PAK2: variants seen among roughly 807,000 people sequenced by gnomAD.
The protein encoded by PAK2 is serine/threonine-protein kinase PAK 2.
A neutral mutation model predicts 65.9 loss-of-function variants in PAK2; 21 were observed. That is an observed-to-expected ratio of 0.32 (90% CI 0.23 to 0.46). PAK2 has a LOEUF of 0.46. Among genes scored for constraint, PAK2 ranks in the 20% least tolerant of loss-of-function variants. The pLI is 1.00. For synonymous variants in PAK2, 204 were observed against 219.7 expected, an observed-to-expected ratio of 0.93 and a Z score of 0.63; for missense variants, 324 against 642.6, an observed-to-expected ratio of 0.50 and a Z score of 5.36.
chr3:196,808,890 TAA>T, intron 7 of PAK2, among the ~76,000 whole-genome samples: 1 of 151,138 alleles, frequency 6.6e-6, no homozygotes, highest in South Asian at 2.1e-4. Flanking sequence ...AATTAACAAT[TAA>T]AGAATGCTAA....
intron 1 of PAK2, among the ~76,000 whole-genome samples, chr3:196,771,957 A>G (rs1040102749): frequency 6.6e-6 from 1 of 151,918 alleles, no homozygotes; most frequent in Admixed American, 6.6e-5. Context: ...TTTTACTTCA[A>G]ATGTTGAGTT....
At chr3:196,790,297 A>C (rs1188241879) in intron 2 of PAK2, among the ~76,000 whole-genome samples, 1 of 152,194 alleles carries the variant, frequency 6.6e-6, no homozygotes, top group East Asian at 1.9e-4. Flanking sequence ...CCTTTTGTCA[A>C]CATGTGACTC....
At chr3:196,750,962 T>C (rs1244316680) in intron 1 of PAK2, among the ~76,000 whole-genome samples, 1 of 152,182 alleles carries the variant, frequency 6.6e-6, no homozygotes, top group Non-Finnish European at 1.5e-5. Flanking sequence ...GGTACAACTT[T>C]CCCTACCATC....
intron 1 of PAK2, among the ~76,000 whole-genome samples, chr3:196,775,491 T>A (rs1714507635): frequency 6.6e-6 from 1 of 152,128 alleles, no homozygotes; most frequent in South Asian, 2.1e-4. Flanking sequence ...CAAGCAATTC[T>A]CCTGCCTCAG....
chr3:196,762,897 A>G lies in PAK2; in HGVS notation c.-21-19729A>G, dbSNP rs115407007. ...ATGGGACTGTATCATTCTGGGTCCAATCAGGAGAGAGAAGCCATACAGTAA... is the reference window on the plus strand; with the variant it reads ...ATGGGACTGTATCATTCTGGGTCCAGTCAGGAGAGAGAAGCCATACAGTAA... On this transcript the variant is annotated intron_variant, in intron 1 of 14. Coordinates refer to ENST00000327134, the MANE Select transcript of PAK2 (RefSeq NM_002577.4). Among the ~76,000 whole-genome samples, 306 of 152,324 alleles carry G rather than the reference A, an allele frequency of 2.0e-3. 1 individual carries two copies. The highest frequency in any genetic ancestry group is 7.0e-3 in the African/African-American group (293 of 41,570).
intron 1 of PAK2, among the ~76,000 whole-genome samples, chr3:196,748,306 G>T (rs1713458969): frequency 6.6e-6 from 1 of 152,064 alleles, no homozygotes; most frequent in Non-Finnish European, 1.5e-5. Context: ...GGTATATTTG[G>T]CACAGTCAGT....
At chr3:196,763,321 C>A (rs1433713276) in intron 1 of PAK2, among the ~76,000 whole-genome samples, 4 of 152,126 alleles carry the variant, frequency 2.6e-5, no homozygotes, top group African/African-American at 9.7e-5. Context: ...GGCCACCTTC[C>A]CCTATTGGAG....
intron 1 of PAK2, among the ~76,000 whole-genome samples, chr3:196,744,721 G>A (rs1713315860): frequency 6.6e-6 from 1 of 152,100 alleles, no homozygotes; most frequent in South Asian, 2.1e-4. Flanking sequence ...TCCATATCAT[G>A]ACATATAGTG....
chr3:196,808,587 G>A (rs1427596164), intron 7 of PAK2, among the ~76,000 whole-genome samples: 3 of 133,356 alleles, frequency 2.2e-5, no homozygotes, highest in Non-Finnish European at 3.1e-5. Context: ...CGAACCGGCC[G>A]GGCACTGTGG....
chr3:196,742,107 T>TTTC (rs1553798310), intron 1 of PAK2, among the ~76,000 whole-genome samples: 3 of 150,328 alleles, frequency 2.0e-5, no homozygotes, highest in Non-Finnish European at 4.5e-5. Context: ...TTCTTTTTTT[T>TTTC]TTTTTTTTTT....
intron 2 of PAK2, among the ~76,000 whole-genome samples, chr3:196,783,668 CTG>C (rs1339490299): frequency 6.6e-6 from 1 of 152,042 alleles, no homozygotes; most frequent in Non-Finnish European, 1.5e-5. Context: ...ATCAGTACCT[CTG>C]AAGTCCCCAT....
At chr3:196,787,357 G>A (rs1483749879) in intron 2 of PAK2, among the ~76,000 whole-genome samples, 1 of 151,950 alleles carries the variant, frequency 6.6e-6, no homozygotes, top group Non-Finnish European at 1.5e-5. Flanking sequence ...GAGGCCGGCA[G>A]ATCACGAGGT....
At chr3:196,755,881 T>G (rs1713752045) in intron 1 of PAK2, among the ~76,000 whole-genome samples, 1 of 152,008 alleles carries the variant, frequency 6.6e-6, no homozygotes, top group Non-Finnish European at 1.5e-5. Context: ...TCAGCCTCCT[T>G]AGTAGCTGGG....
intron 4 of PAK2, 91 bp downstream of exon 4, chr3:196,803,255 T>G (rs1577732857): frequency 1.9e-6 from 2 of 1,051,484 alleles, no homozygotes; most frequent in East Asian, 5.1e-5. Flanking sequence ...AAAGCTAAAC[T>G]ATGGTTCTTG....
intron 13 of PAK2, among the ~76,000 whole-genome samples, chr3:196,824,660 G>A (rs1316312156): frequency 7.9e-5 from 12 of 151,956 alleles, no homozygotes; most frequent in Admixed American, 3.3e-4. Context: ...TTATAATGGC[G>A]GACACTGGAG....
intron 8 of PAK2, among the ~76,000 whole-genome samples, chr3:196,811,517 G>A (rs1317329969): frequency 6.7e-6 from 1 of 148,850 alleles, no homozygotes; most frequent in Non-Finnish European, 1.5e-5. Flanking sequence ...AAAGTGTTGG[G>A]ATTACAGGTG....
intron 2 of PAK2, among the ~76,000 whole-genome samples, chr3:196,798,587 C>T (rs1333018984): frequency 1.3e-5 from 2 of 151,980 alleles, no homozygotes; most frequent in Non-Finnish European, 2.9e-5. Context: ...CAAGTGATCC[C>T]TCTGCCTCAG....
intron 2 of PAK2, among the ~76,000 whole-genome samples, chr3:196,788,846 G>A (rs1190993317): frequency 6.6e-6 from 1 of 152,222 alleles, no homozygotes; most frequent in African/African-American, 2.4e-5. Flanking sequence ...GCCGCCCGGT[G>A]TTACTGGAAA....
chr3:196,793,119 G>C (rs571135070), intron 2 of PAK2, among the ~76,000 whole-genome samples: 1 of 152,230 alleles, frequency 6.6e-6, no homozygotes, highest in South Asian at 2.1e-4. Flanking sequence ...AAGTGTCAAA[G>C]GCCCCCCAGG....
Sources: gnomAD v4.1 joint callset for allele counts (sites outside exome capture counted in the v4.1 genomes callset) on GRCh38, gnomAD v4.1.1 for gene constraint, MANE v1.5 for transcripts, NCBI Gene and HGNC (gene_info 2026-07-23, HGNC 2026-07-21) for gene names.